TAFA5: variants seen among roughly 807,000 people sequenced by gnomAD.
TAFA5 encodes TAFA chemokine like family member 5.
TAFA5 carries 6 observed loss-of-function variants against 15.3 expected under a neutral mutation model. The ratio of observed to expected loss-of-function variants is 0.39; its 90% CI spans 0.21 to 0.77. The LOEUF (loss-of-function observed/expected upper bound fraction) is 0.77. TAFA5 is among the 30% of genes least tolerant of loss of function. The pLI, the probability that TAFA5 is intolerant of heterozygous loss-of-function variation, is 0.41. For missense variants in TAFA5, 161 were observed against 193.1 expected, an observed-to-expected ratio of 0.83 and a Z score of 0.98; for synonymous variants, 103 against 80.7, an observed-to-expected ratio of 1.28 and a Z score of -1.48.
intron 2 of TAFA5, among the ~76,000 whole-genome samples, chr22:48,651,782 C>T (rs1344588614): frequency 6.6e-6 from 1 of 152,188 alleles, no homozygotes; most frequent in South Asian, 2.1e-4. Context: ...TTCCACCCCA[C>T]GTCCACAGCC....
At chr22:48,649,816 G>A (rs1926989698) in intron 2 of TAFA5, among the ~76,000 whole-genome samples, 2 of 152,162 alleles carry the variant, frequency 1.3e-5, no homozygotes, top group South Asian at 4.1e-4. Context: ...TCACAGCCAG[G>A]CCGTCCTTTC....
intron 1 of TAFA5, among the ~76,000 whole-genome samples, chr22:48,516,001 C>T (rs1338565970): frequency 6.6e-6 from 1 of 152,084 alleles, no homozygotes; most frequent in Non-Finnish European, 1.5e-5. Flanking sequence ...ACCCCAGCCT[C>T]ACTCCCTGTG....
In TAFA5 at chr22:48,530,745, C is replaced by T. The variant is rs896301888; in HGVS notation, c.112+41041C>T. Among the ~76,000 whole-genome samples, 1 of 152,152 alleles carries T rather than the reference C, an allele frequency of 6.6e-6. No homozygotes were observed. Among genetic ancestry groups the T allele is most frequent in the African/African-American group, 2.4e-5 (1 of 41,436 alleles). On this transcript the variant is annotated intron_variant, in intron 1 of 3. Coordinates refer to ENST00000402357, the MANE Select transcript of TAFA5 (RefSeq NM_001082967.3). The surrounding 1 kb of genome is among the most constrained non-coding windows in gnomAD (Gnocchi z 6.0). ...TCATAGCCACCTGGTTCACACCTGA[C>T]CCCCAGGCCCACCCCTTCAGGGGGC... is the stretch of plus-strand genomic sequence containing the variant.
chr22:48,573,370 A>G (rs1304358852), intron 1 of TAFA5, among the ~76,000 whole-genome samples: 1 of 152,178 alleles, frequency 6.6e-6, no homozygotes, highest in Non-Finnish European at 1.5e-5. Context: ...TAATGGTTTC[A>G]GTATTTGTAA....
rs539942350 is a variant in TAFA5 at position 48,621,216 on chromosome 22, C to A, written c.113-25381C>A. Among the ~76,000 whole-genome samples the A allele has an allele frequency of 8.0e-3, 922 of 115,712 alleles. 19 individuals carry two copies. Among genetic ancestry groups the A allele is most frequent in the African/African-American group, 0.032 (880 of 27,844 alleles). 75.9% of individuals were successfully genotyped at this position (115,712 alleles called of 152,430 possible). On this transcript the variant is annotated intron_variant, in intron 1 of 3. Transcript: ENST00000402357. ...CCACACTATCCACCCAGCCATCCAC[C>A]CAATCCACCCACACACCAATTCTAT...
intron 1 of TAFA5, among the ~76,000 whole-genome samples, chr22:48,570,432 C>G (rs1234666868): frequency 6.6e-6 from 1 of 152,288 alleles, no homozygotes; most frequent in African/African-American, 2.4e-5. Context: ...AAATGAGAAG[C>G]AGGATTTCAC....
intron 1 of TAFA5, among the ~76,000 whole-genome samples, chr22:48,534,241 AGGTGAAATG>A (rs1387939037): frequency 7.3e-5 from 11 of 151,154 alleles, no homozygotes; most frequent in Admixed American, 5.3e-4. Flanking sequence ...TGGGTCAGGC[AGGTGAAATG>A]AGTAAGTCAG....
chr22:48,564,054 G>A (rs987431997), intron 1 of TAFA5, among the ~76,000 whole-genome samples: 53 of 152,262 alleles, frequency 3.5e-4, no homozygotes, highest in African/African-American at 8.9e-4. Context: ...GAGGCCTGGC[G>A]TGCACATGAT....
At chr22:48,657,792 C>T (rs1015690447) in intron 2 of TAFA5, among the ~76,000 whole-genome samples, 1 of 152,142 alleles carries the variant, frequency 6.6e-6, no homozygotes, top group Non-Finnish European at 1.5e-5. Flanking sequence ...CTGGTTGAAG[C>T]AGGTTTTCAG....
At chr22:48,700,797 A>G (rs1407588141) in intron 2 of TAFA5, among the ~76,000 whole-genome samples, 1 of 152,166 alleles carries the variant, frequency 6.6e-6, no homozygotes, top group Non-Finnish European at 1.5e-5. Flanking sequence ...AGCAGTTCAG[A>G]TGTTCGATCC....
chr22:48,638,486 C>A (rs1424505504), intron 1 of TAFA5, among the ~76,000 whole-genome samples: 1 of 133,882 alleles, frequency 7.5e-6, no homozygotes, highest in Non-Finnish European at 1.6e-5. Flanking sequence ...CAGGGGGGAC[C>A]CCAACACTAA....
chr22:48,745,930 T>C (rs1284536901), intron 3 of TAFA5, among the ~76,000 whole-genome samples: 2 of 152,166 alleles, frequency 1.3e-5, no homozygotes, highest in Non-Finnish European at 2.9e-5. Context: ...GCTGAGCTCC[T>C]GCGTGAGAGC....
chr22:48,618,713 C>T (rs996190932), intron 1 of TAFA5, among the ~76,000 whole-genome samples: 8 of 152,234 alleles, frequency 5.3e-5, no homozygotes, highest in African/African-American at 1.7e-4. Context: ...TATAGCCTCT[C>T]CTGGGCCCTG....
At chr22:48,505,109 C>T (rs1227214401) in intron 1 of TAFA5, among the ~76,000 whole-genome samples, 1 of 152,346 alleles carries the variant, frequency 6.6e-6, no homozygotes, top group South Asian at 2.1e-4. Context: ...CTACCTGCCA[C>T]TTGCTGTGGG....
In TAFA5 at chr22:48,553,777, G is replaced by A. The variant is rs74720291; in HGVS notation, c.112+64073G>A. 4.5e-3 allele frequency among the ~76,000 whole-genome samples: 678 copies of A among 152,254 alleles called. 1 individual carries two copies. Among genetic ancestry groups the A allele is most frequent in the African/African-American group, 7.9e-3 (330 of 41,558 alleles). Reference sequence around the variant, plus strand: ...CCTGGGGTGCAGCCCTGGCATGCCCGGTCCTCGTCTGTTCAGCCTGTGGCC... The same window carrying A: ...CCTGGGGTGCAGCCCTGGCATGCCCAGTCCTCGTCTGTTCAGCCTGTGGCC... On this transcript the variant is annotated intron_variant, in intron 1 of 3. Transcript: ENST00000402357.
chr22:48,525,007 T>C (rs1921730982), intron 1 of TAFA5, among the ~76,000 whole-genome samples: 1 of 151,934 alleles, frequency 6.6e-6, no homozygotes, highest in African/African-American at 2.4e-5. Flanking sequence ...CCGCAACTTC[T>C]CTCCGCCCTG....
chr22:48,567,891 G>T (rs1923461102), intron 1 of TAFA5, among the ~76,000 whole-genome samples: 1 of 152,210 alleles, frequency 6.6e-6, no homozygotes, highest in Non-Finnish European at 1.5e-5. Flanking sequence ...TGCTGGGCAG[G>T]CCTGGGAACG....
intron 3 of TAFA5, among the ~76,000 whole-genome samples, chr22:48,735,302 G>A (rs1016215282): frequency 1.3e-5 from 2 of 152,202 alleles, no homozygotes; most frequent in Admixed American, 6.5e-5. Context: ...CATGCATGAC[G>A]CTAGGAGACA....
chr22:48,743,312 C>G (rs1930234941), intron 3 of TAFA5, among the ~76,000 whole-genome samples: 1 of 152,236 alleles, frequency 6.6e-6, no homozygotes, highest in Non-Finnish European at 1.5e-5. Flanking sequence ...CCTCTTGCAG[C>G]CGCTGTGGCT....
Sources: allele counts gnomAD v4.1 joint callset (sites outside exome capture counted in the v4.1 genomes callset), GRCh38; gene constraint gnomAD v4.1.1; non-coding constraint Gnocchi (gnomAD v3.1); transcripts MANE v1.5; gene names NCBI Gene and HGNC (gene_info 2026-07-23, HGNC 2026-07-21).